Variants in CALN1 observed in about 807,000 individuals in gnomAD.
CALN1 encodes calcium-binding protein 8.
Under a neutral mutation model 30.6 loss-of-function variants are expected in CALN1, and 17 were observed. The ratio of observed to expected loss-of-function variants is 0.56; its 90% CI spans 0.38 to 0.83. The LOEUF (loss-of-function observed/expected upper bound fraction) is 0.83. CALN1 is among the 40% of genes least tolerant of loss of function. CALN1 has a pLI of 0.00. For missense variants in CALN1, 291 were observed against 354.9 expected (o/e 0.82, Z 1.45); for synonymous variants, 156 against 131.4 (o/e 1.19, Z -1.28).
At chr7:72,425,462 T>G (rs1241499622) in intron 1 of CALN1, among the ~76,000 whole-genome samples, 1 of 152,208 alleles carries the variant, frequency 6.6e-6, no homozygotes. Flanking sequence ...TGCCCATGGC[T>G]GAGACCACGC....
chr7:72,341,309 G>GGTCA (rs1271377131), intron 2 of CALN1, among the ~76,000 whole-genome samples: 1 of 152,160 alleles, frequency 6.6e-6, no homozygotes, highest in Non-Finnish European at 1.5e-5. Flanking sequence ...GATCACTTGA[G>GGTCA]GTCAGGGGTT....
intron 3 of CALN1, among the ~76,000 whole-genome samples, chr7:72,128,217 C>T (rs1037612752): frequency 3.9e-5 from 6 of 151,946 alleles, no homozygotes; most frequent in Admixed American, 1.3e-4. Flanking sequence ...AAGCAATAGG[C>T]GATTAGCTAA....
chr7:71,898,175 CA>C (rs1247727277), intron 5 of CALN1, among the ~76,000 whole-genome samples: 5 of 151,676 alleles, frequency 3.3e-5, no homozygotes, highest in African/African-American at 1.2e-4. Context: ...ACTAAAAATA[CA>C]AAAATTAGCT....
intron 5 of CALN1, among the ~76,000 whole-genome samples, chr7:71,929,453 C>T (rs1193317513): frequency 6.6e-6 from 1 of 152,220 alleles, no homozygotes; most frequent in African/African-American, 2.4e-5. Flanking sequence ...CATGCCTCTG[C>T]AAAGGACATG....
chr7:72,266,891 G>A lies in CALN1; in HGVS notation c.244+11795C>T, dbSNP rs185438029. The stretch of plus-strand genomic sequence containing the variant: ...TCTCCACAAAAGATATCTTTCTCAA[G>A]GCTCAAAGGGCAGGTCAAGCCTCCA... On this transcript the variant is annotated intron_variant, in intron 3 of 6. Coordinates refer to ENST00000395275, the MANE Select transcript of CALN1 (RefSeq NM_031468.4). Among the ~76,000 whole-genome samples the A allele has an allele frequency of 3.9e-5, 6 of 152,292 alleles. No homozygotes were observed. The East Asian group carries it at 1.2e-3, about 29-fold the overall frequency.
chr7:72,052,601 TG>T (rs1470121147), intron 4 of CALN1, among the ~76,000 whole-genome samples: 1 of 152,206 alleles, frequency 6.6e-6, no homozygotes, highest in Non-Finnish European at 1.5e-5. Context: ...CACTTGTTTC[TG>T]GTCAGGTGAA....
chr7:72,294,421 T>C (rs925438193), intron 2 of CALN1, among the ~76,000 whole-genome samples: 1 of 152,096 alleles, frequency 6.6e-6, no homozygotes, highest in African/African-American at 2.4e-5. Flanking sequence ...CTATGTACCA[T>C]ATCATAGCAC....
At chr7:72,143,417 T>A (rs1005273883) in intron 3 of CALN1, among the ~76,000 whole-genome samples, 2 of 152,002 alleles carry the variant, frequency 1.3e-5, no homozygotes, top group Non-Finnish European at 2.9e-5. Context: ...AGAAGAGAAC[T>A]TTAGAGAAAA....
chr7:72,095,690 G>A (rs919096434), intron 4 of CALN1, among the ~76,000 whole-genome samples: 1 of 152,156 alleles, frequency 6.6e-6, no homozygotes, highest in East Asian at 1.9e-4. Flanking sequence ...TCAGACTAGG[G>A]TATCTCCAAC....
intron 1 of CALN1, 99 bp downstream of exon 1, chr7:72,411,959 G>C (rs1243626161): frequency 6.6e-6 from 1 of 152,182 alleles, no homozygotes; most frequent in Non-Finnish European, 1.5e-5. Context: ...TCCGGAACTT[G>C]TCTCCAGACT....
intron 4 of CALN1, among the ~76,000 whole-genome samples, chr7:72,081,390 A>G (rs1022975877): frequency 4.9e-5 from 2 of 41,210 alleles, no homozygotes; most frequent in African/African-American, 1.8e-4. Flanking sequence ...AGTTGGCATA[A>G]GATGCAAAAT....
chr7:72,043,612 T>TA (rs996275864), intron 4 of CALN1, among the ~76,000 whole-genome samples: 7 of 151,308 alleles, frequency 4.6e-5, no homozygotes, highest in South Asian at 2.1e-4. Context: ...TTACAAAAAA[T>TA]AAAAAAAACT....
At chr7:72,414,774 G>A (rs1807370096), upstream of CALN1, among the ~76,000 whole-genome samples, 2 of 152,104 alleles carry the variant, frequency 1.3e-5, no homozygotes, top group Non-Finnish European at 1.5e-5. Flanking sequence ...GACATGCTTG[G>A]ATGGCCCAAG....
intron 4 of CALN1, among the ~76,000 whole-genome samples, chr7:72,055,339 A>C (rs1803184996): frequency 6.6e-6 from 1 of 152,184 alleles, no homozygotes; most frequent in Non-Finnish European, 1.5e-5. Flanking sequence ...TTAAACAAAT[A>C]ATAGAAAAAG....
chr7:71,904,616 C>T (rs185513527), intron 5 of CALN1, among the ~76,000 whole-genome samples: 162 of 152,252 alleles, frequency 1.1e-3, no homozygotes, highest in Non-Finnish European at 1.7e-3. Flanking sequence ...GAGAAATAAA[C>T]TCAAGAGCTC....
At chr7:71,791,076 TAAG>T (rs1793354571) in intron 6 of CALN1, among the ~76,000 whole-genome samples, 1 of 152,076 alleles carries the variant, frequency 6.6e-6, no homozygotes, top group South Asian at 2.1e-4. Context: ...TAATACCAGG[TAAG>T]AAGTAGGAAG....
chr7:72,457,182 G>T, the CALN1 span, among the ~76,000 whole-genome samples: 2 of 151,610 alleles, frequency 1.3e-5, no homozygotes, highest in African/African-American at 4.8e-5. Context: ...CTGATTTTTT[G>T]CATTTTTAGT....
intron 3 of CALN1, among the ~76,000 whole-genome samples, chr7:72,277,776 A>G (rs1336480980): frequency 6.6e-6 from 1 of 152,122 alleles, no homozygotes; most frequent in East Asian, 1.9e-4. Flanking sequence ...TAATGTGCAC[A>G]TACAAAGCAC....
In CALN1 at chr7:72,182,485, CGAG is replaced by C. The variant is rs550148061; in HGVS notation, c.245-76194_245-76192del. 3.3e-5 allele frequency among the ~76,000 whole-genome samples: 5 copies of C among 152,120 alleles called. No homozygotes were observed. The South Asian group carries it at 1.0e-3, about 32-fold the overall frequency. ...CTATAATCCAACCACTTTAGGAGGCCGAGAAGAGCAGATTACTTGAGGCCAGGA... is the reference window on the plus strand; with the variant it reads ...CTATAATCCAACCACTTTAGGAGGCCAAGAGCAGATTACTTGAGGCCAGGA... On this transcript the variant is annotated intron_variant, in intron 3 of 6. Transcript: ENST00000395275.
Sources: gnomAD v4.1 joint callset for allele counts (sites outside exome capture counted in the v4.1 genomes callset) on GRCh38, gnomAD v4.1.1 for gene constraint, MANE v1.5 for transcripts, NCBI Gene and HGNC (gene_info 2026-07-23, HGNC 2026-07-21) for gene names.